RPS6KC1: variants seen among roughly 807,000 people sequenced by gnomAD.
The protein encoded by RPS6KC1 is inactive ribosomal protein S6 kinase delta-1.
RPS6KC1 carries 54 observed loss-of-function variants against 103.8 expected under a neutral mutation model. The ratio of observed to expected loss-of-function variants is 0.52; its 90% confidence interval spans 0.42 to 0.65. The LOEUF is 0.65. RPS6KC1 is among the 30% of genes least tolerant of loss of function. RPS6KC1 has a pLI of 0.00. For missense variants in RPS6KC1, 1,151 were observed against 1,253.8 expected (o/e 0.92, Z 1.24); for synonymous variants, 439 against 438.7 (o/e 1.00, Z -0.01).
chr1:213,261,717 C>A, intron 13 of RPS6KC1, 77 bp downstream of exon 13: 1 of 1,273,148 alleles, frequency 7.9e-7, no homozygotes, highest in Non-Finnish European at 1.1e-6. Flanking sequence ...TAGCCTTCAC[C>A]CTTAGTTTTT....
the RPS6KC1 span, chr1:213,818,149 T>G: frequency 3.3e-5 from 5 of 152,168 alleles, no homozygotes; most frequent in African/African-American, 1.2e-4. Context: ...ACAATAATAT[T>G]GAATTAGGCC....
intron 8 of RPS6KC1, among the ~76,000 whole-genome samples, chr1:213,212,524 A>G (rs1336071663): frequency 2.6e-5 from 4 of 152,216 alleles, no homozygotes; most frequent in Non-Finnish European, 5.9e-5. Flanking sequence ...GCAATTATGA[A>G]TGAAGTTTCT....
chr1:213,789,937 T>G, the RPS6KC1 span, among the ~76,000 whole-genome samples: 1 of 146,946 alleles, frequency 6.8e-6, no homozygotes, highest in Non-Finnish European at 1.5e-5. Flanking sequence ...TGATTTTCTC[T>G]TAAATTAACA....
the RPS6KC1 span, among the ~76,000 whole-genome samples, chr1:213,322,693 C>A: frequency 6.6e-6 from 1 of 152,052 alleles, no homozygotes; most frequent in African/African-American, 2.4e-5. Flanking sequence ...CCAAAGACTG[C>A]CAGAATTCCT....
Position 213,051,338 on chromosome 1 carries a change from C to G in RPS6KC1, c.-67C>G. The G allele has an allele frequency of 7.8e-7, 1 of 1,283,058 alleles. No homozygotes were observed. The highest frequency in any genetic ancestry group is 1.1e-6 in the Non-Finnish European group (1 of 890,978). The allele number at this position is 1,283,058 out of a possible 1,614,324, so 79.5% of individuals were successfully genotyped here. Reference sequence around the variant, plus strand: ...TCGCCGCTGCGTTGGGGAACCTGGACCGCGGCGGCGCCGGGTTTCCCTCAT... The same window carrying G: ...TCGCCGCTGCGTTGGGGAACCTGGAGCGCGGCGGCGCCGGGTTTCCCTCAT... On this transcript the variant is annotated 5_prime_UTR_variant, in exon 1 of 15. Coordinates refer to ENST00000366960, the MANE Select transcript of RPS6KC1 (RefSeq NM_012424.6).
intron 1 of RPS6KC1, among the ~76,000 whole-genome samples, chr1:213,069,493 A>G (rs148950304): frequency 1.4e-3 from 218 of 152,300 alleles, no homozygotes; most frequent in African/African-American, 5.0e-3. Flanking sequence ...TGTAAGAGGA[A>G]CTGTAATTTG....
Position 213,067,724 on chromosome 1 carries a change from C to G in RPS6KC1, c.106-3282C>G, listed in dbSNP as rs2078457366. ...TGAGCTCCAGGAGGAAAGGGACTTG[C>G]TCACCATTGTAATCCAGCACATAGA... is the stretch of plus-strand genomic sequence containing the variant. On this transcript the variant is annotated intron_variant, in intron 1 of 14. Transcript: ENST00000366960. Among the ~76,000 whole-genome samples the G allele has an allele frequency of 2.6e-5, 4 of 152,210 alleles. No homozygotes were observed. In the South Asian group the frequency reaches 8.3e-4, roughly 32 times the overall value.
At chr1:213,631,098 G>T in the RPS6KC1 span, among the ~76,000 whole-genome samples, 2 of 152,210 alleles carry the variant, frequency 1.3e-5, no homozygotes, top group South Asian at 4.1e-4. Context: ...GATTTTCCAG[G>T]TGCCATCTGT....
the RPS6KC1 span, among the ~76,000 whole-genome samples, chr1:213,814,224 C>T: frequency 3.3e-5 from 5 of 152,346 alleles, no homozygotes; most frequent in Admixed American, 2.0e-4. Flanking sequence ...TCCTGCCTTC[C>T]GTGTCTACAA....
chr1:213,606,830 G>A, the RPS6KC1 span, among the ~76,000 whole-genome samples: 1 of 152,188 alleles, frequency 6.6e-6, no homozygotes, highest in South Asian at 2.1e-4. Context: ...AGATATTATT[G>A]TAATAATGAT....
At chr1:213,798,587 G>C in the RPS6KC1 span, among the ~76,000 whole-genome samples, 1 of 152,130 alleles carries the variant, frequency 6.6e-6, no homozygotes, top group African/African-American at 2.4e-5. Context: ...TTCCTCCAGG[G>C]CCCCTCCCAC....
the RPS6KC1 span, among the ~76,000 whole-genome samples, chr1:213,440,717 A>T: frequency 6.6e-6 from 1 of 152,110 alleles, no homozygotes; most frequent in Non-Finnish European, 1.5e-5. Context: ...CCCTGTCAGA[A>T]TGGGTAGGAT....
intron 8 of RPS6KC1, among the ~76,000 whole-genome samples, chr1:213,224,703 T>A (rs1448753243): frequency 5.9e-5 from 9 of 152,190 alleles, no homozygotes; most frequent in Non-Finnish European, 1.0e-4. Flanking sequence ...AATTGATGTG[T>A]TTTAGTCTAC....
At chr1:213,559,947 G>T in the RPS6KC1 span, among the ~76,000 whole-genome samples, 1 of 151,978 alleles carries the variant, frequency 6.6e-6, no homozygotes, top group South Asian at 2.1e-4. Flanking sequence ...TGTCGTAGCA[G>T]GTATTTTACT....
At chr1:213,279,376 T>A (rs2095118505), downstream of RPS6KC1, among the ~76,000 whole-genome samples, 1 of 152,174 alleles carries the variant, frequency 6.6e-6, no homozygotes, top group Non-Finnish European at 1.5e-5. Flanking sequence ...GAAGTCAGTT[T>A]ATACTAGGAG....
At chr1:213,402,958 CAAAAA>C in the RPS6KC1 span, among the ~76,000 whole-genome samples, 1 of 111,518 alleles carries the variant, frequency 9.0e-6, no homozygotes, top group Non-Finnish European at 1.8e-5. Flanking sequence ...ACTAAAAATA[CAAAAA>C]AAAAAAAAAA....
chr1:213,735,725 A>G, the RPS6KC1 span, among the ~76,000 whole-genome samples: 2 of 152,340 alleles, frequency 1.3e-5, no homozygotes, highest in Non-Finnish European at 2.9e-5. Context: ...AGAGACAAAG[A>G]GGAAGAAAGA....
the RPS6KC1 span, among the ~76,000 whole-genome samples, chr1:213,333,241 C>T: frequency 2.0e-5 from 3 of 152,310 alleles, no homozygotes; most frequent in Admixed American, 2.0e-4. Flanking sequence ...CTTGTACGTT[C>T]CTTGTCCTTT....
chr1:213,245,975 G>T (rs565598517), intron 12 of RPS6KC1, among the ~76,000 whole-genome samples: 2 of 152,070 alleles, frequency 1.3e-5, no homozygotes, highest in Non-Finnish European at 2.9e-5. Context: ...ACAAAACTGA[G>T]AACTTTTAAA....
Sources: allele counts gnomAD v4.1 joint callset (sites outside exome capture counted in the v4.1 genomes callset), GRCh38; gene constraint gnomAD v4.1.1; transcripts MANE v1.5; gene names NCBI Gene and HGNC (gene_info 2026-07-23, HGNC 2026-07-21).